The following NLRP7 variants were observed in gnomAD, a reference collection of about 807,000 sequenced individuals.
NLRP7 encodes the protein NLR family pyrin domain containing 7.
A neutral mutation model predicts 85.5 loss-of-function variants in NLRP7; 72 were observed. The ratio of observed to expected loss-of-function variants is 0.84; its 90% confidence interval spans 0.70 to 1.02. NLRP7 has a LOEUF of 1.02. Among genes scored for constraint, NLRP7 ranks in the 50% least tolerant of loss-of-function variants. NLRP7 has a pLI of 0.00. For synonymous variants in NLRP7, 550 were observed against 505.2 expected (o/e 1.09, Z -1.19); for missense variants, 1,243 against 1,219.5 (o/e 1.02, Z -0.29).
intron 1 of NLRP7, among the ~76,000 whole-genome samples, chr19:54,956,647 T>C (rs530070861): frequency 6.6e-6 from 1 of 151,424 alleles, no homozygotes; most frequent in South Asian, 2.1e-4. Flanking sequence ...TGAGCTGAGA[T>C]TGTGCCTTTG....
rs566686302 is a variant in NLRP7 at position 54,941,304 on chromosome 19, G to A, written c.277+131C>T. 149 of 722,550 alleles carry A rather than the reference G, an allele frequency of 2.1e-4. No individual in the cohort carries two copies. The African/African-American group carries it at 2.2e-3, about 11-fold the overall frequency. The allele number at this position is 722,550 out of a possible 1,614,324, so 44.8% of individuals were successfully genotyped here. A position where few individuals can be genotyped will look rare whatever the true frequency, so the allele number is the denominator to read the frequency against. ...AGAATCACTTGAACCCAGAGGCGGA[G>A]GTTGCAGTGAGCCCAGATCTCGCCA... On this transcript the variant is annotated intron_variant, in intron 2 of 9. Transcript: ENST00000340844.
At chr19:54,962,474 T>C (rs1212336525) in intron 1 of NLRP7, among the ~76,000 whole-genome samples, 1 of 151,682 alleles carries the variant, frequency 6.6e-6, no homozygotes, top group Non-Finnish European at 1.5e-5. Context: ...TTTCACCATG[T>C]TGGTCAGGCT....
At chr19:54,933,204 G>A (rs1211443600) in intron 8 of NLRP7, among the ~76,000 whole-genome samples, 1 of 152,104 alleles carries the variant, frequency 6.6e-6, no homozygotes, top group African/African-American at 2.4e-5. Flanking sequence ...GGAGTGCAGT[G>A]GTGCGATCTC....
intron 9 of NLRP7, among the ~76,000 whole-genome samples, chr19:54,926,292 T>G (rs2068438097): frequency 6.6e-6 from 1 of 152,042 alleles, no homozygotes; most frequent in South Asian, 2.1e-4. Context: ...ACTCTCAGTA[T>G]GCCTAGGACT....
exon 8 of NLRP7, chr19:54,933,573 A>G (rs1249662587): frequency 6.2e-7 from 1 of 1,614,058 alleles, no homozygotes; most frequent in African/African-American, 1.3e-5. Context: ...ACTTACACCA[A>G]GGTCTGCAGT....
intron 1 of NLRP7, among the ~76,000 whole-genome samples, chr19:54,960,148 T>G (rs960757444): frequency 1.3e-5 from 2 of 151,878 alleles, no homozygotes; most frequent in African/African-American, 4.8e-5. Flanking sequence ...TTTTTTTGTT[T>G]GTTTGTTTCT....
upstream of NLRP7, among the ~76,000 whole-genome samples, chr19:54,951,232 C>T (rs1189015347): frequency 6.6e-6 from 1 of 152,130 alleles, no homozygotes; most frequent in Non-Finnish European, 1.5e-5. Context: ...AATCTGATCT[C>T]TCTTTCTTTT....
chr19:54,962,333 T>C (rs1343323735), intron 1 of NLRP7, among the ~76,000 whole-genome samples: 1 of 143,668 alleles, frequency 7.0e-6, no homozygotes, highest in Non-Finnish European at 1.5e-5. Flanking sequence ...AATGGCACGA[T>C]CTCAGCTCAC....
intron 8 of NLRP7, 148 bp downstream of exon 8, chr19:54,933,421 A>G: frequency 1.0e-6 from 1 of 966,396 alleles, no homozygotes; most frequent in Non-Finnish European, 1.6e-6. Context: ...CTGGGATTAC[A>G]GGCATGAGCC....
At chr19:54,951,474 G>A (rs1026169720), upstream of NLRP7, among the ~76,000 whole-genome samples, 3 of 152,004 alleles carry the variant, frequency 2.0e-5, no homozygotes, top group African/African-American at 4.8e-5. Context: ...AACCCGGGAG[G>A]CAGAGGCAGA....
intron 1 of NLRP7, among the ~76,000 whole-genome samples, chr19:54,964,209 G>A (rs1057099711): frequency 1.1e-5 from 1 of 92,762 alleles, no homozygotes; most frequent in African/African-American, 4.2e-5. Context: ...TATTTATATG[G>A]TGTTTTTTTT....
upstream of NLRP7, chr19:54,947,558 T>C: frequency 7.8e-7 from 1 of 1,289,484 alleles, no homozygotes; most frequent in Non-Finnish European, 1.0e-6. Context: ...GTACGCTAGG[T>C]GGAGAGACAG....
At chr19:54,930,792 T>G (rs2068644150) in intron 8 of NLRP7, 126 bp from the exon 9 acceptor site, 2 of 784,546 alleles carry the variant, frequency 2.5e-6, no homozygotes, top group African/African-American at 3.4e-5. Flanking sequence ...CTTGGCTCAC[T>G]GCAACCTCTG....
intron 1 of NLRP7, among the ~76,000 whole-genome samples, chr19:54,953,924 G>A (rs111425578): frequency 0.014 from 2,164 of 151,622 alleles, 37 homozygotes; most frequent in Non-Finnish European, 0.02. Flanking sequence ...GGAGAACGGC[G>A]TGAACCCGGG....
chr19:54,939,055 C>G (rs143826297), exon 4 of NLRP7: 50 of 1,614,056 alleles, frequency 3.1e-5, no homozygotes, highest in Admixed American at 3.3e-5. Context: ...TGAACGGGGC[C>G]ACCACCACCT....
intron 6 of NLRP7, 52 bp downstream of exon 6, chr19:54,936,209 C>T: frequency 6.5e-7 from 1 of 1,530,838 alleles, no homozygotes; most frequent in Non-Finnish European, 9.0e-7. Flanking sequence ...CCCCCAGCAA[C>T]ACGGTGCAGT....
chr19:54,952,954 G>T (rs915301558), intron 1 of NLRP7, among the ~76,000 whole-genome samples: 5 of 151,990 alleles, frequency 3.3e-5, no homozygotes, highest in Non-Finnish European at 5.9e-5. Context: ...TGGCCAACAC[G>T]GTGAAACCCC....
intron 4 of NLRP7, among the ~76,000 whole-genome samples, chr19:54,938,682 C>T (rs181670307): frequency 6.1e-4 from 93 of 152,286 alleles, no homozygotes; most frequent in African/African-American, 2.2e-3. Context: ...GCCAAGATCG[C>T]GCCACTGCAC....
exon 4 of NLRP7, chr19:54,939,253 T>C (rs371872366): frequency 2.7e-5 from 44 of 1,613,870 alleles, no homozygotes; most frequent in Non-Finnish European, 3.6e-5. Context: ...CGAGGCCGAA[T>C]AAGAAGTGTC....
Sources: gnomAD v4.1 joint callset for allele counts (sites outside exome capture counted in the v4.1 genomes callset) on GRCh38, gnomAD v4.1.1 for gene constraint, MANE v1.5 for transcripts, NCBI Gene and HGNC (gene_info 2026-07-23, HGNC 2026-07-21) for gene names.